Variants in LRP1B observed in about 807,000 individuals in gnomAD.
The protein encoded by LRP1B is LDL receptor related protein 1B, also known as low-density lipoprotein receptor-related protein 1B.
In LRP1B, 217 loss-of-function variants were observed where a neutral mutation model predicts 556.6. The ratio of observed to expected loss-of-function variants is 0.39; its 90% CI spans 0.35 to 0.44. The LOEUF (loss-of-function observed/expected upper bound fraction) is 0.44, where lower values mean the gene tolerates loss of function less well. Ranked by LOEUF, LRP1B falls within the 20% of genes least tolerant of loss-of-function variation. LRP1B has a pLI of 1.00. For missense variants in LRP1B, 5,053 were observed against 5,620.8 expected, an observed-to-expected ratio of 0.90 and a Z score of 3.23; for synonymous variants, 2,047 against 1,865.8, an observed-to-expected ratio of 1.10 and a Z score of -2.50.
chr2:140,951,310 G>T (rs889077370), intron 19 of LRP1B, among the ~76,000 whole-genome samples: 1 of 152,204 alleles, frequency 6.6e-6, no homozygotes, highest in Admixed American at 6.5e-5. Flanking sequence ...CAACCATTTC[G>T]GGAGGGAGGG....
At chr2:140,379,926 T>G (rs1683399512) in intron 67 of LRP1B, among the ~76,000 whole-genome samples, 1 of 152,122 alleles carries the variant, frequency 6.6e-6, no homozygotes, top group African/African-American at 2.4e-5. Flanking sequence ...CAATAGAAAT[T>G]TCCCTTTTTG....
intron 1 of LRP1B, among the ~76,000 whole-genome samples, chr2:141,890,323 C>CAT (rs556472129): frequency 0.066 from 5,515 of 83,574 alleles, 134 homozygotes; most frequent in Middle Eastern, 0.089. Context: ...GGGCACAATA[C>CAT]ATATATATAT....
chr2:141,038,504 A>G (rs549902566), intron 11 of LRP1B, among the ~76,000 whole-genome samples: 2 of 152,190 alleles, frequency 1.3e-5, no homozygotes, highest in South Asian at 4.1e-4. Context: ...TATGCCTTAG[A>G]TATGTCAGAG....
rs143320633 is a variant in LRP1B, at chr2:140,475,099, C to T, written c.9625+39G>A. ...ATATTTTTAAATAAATATTTTATGACCTGGTAAAATACTAGAATATTTATG... is the reference window on the plus strand; with the variant it reads ...ATATTTTTAAATAAATATTTTATGATCTGGTAAAATACTAGAATATTTATG... On this transcript the variant is annotated intron_variant, in intron 60 of 90. Transcript: ENST00000389484. 8.0e-6 allele frequency: 8 copies of T among 1,002,992 alleles called. No homozygotes were observed. In the Middle Eastern group the frequency reaches 8.8e-4, roughly 110 times the overall value. 62.1% of individuals were successfully genotyped at this position (1,002,992 alleles called of 1,614,324 possible).
intron 32 of LRP1B, among the ~76,000 whole-genome samples, chr2:140,782,490 A>G (rs1369242286): frequency 1.3e-5 from 2 of 152,112 alleles, no homozygotes; most frequent in African/African-American, 2.4e-5. Context: ...TGACCTTAGA[A>G]GAATCCTGCC....
At chr2:141,048,911 GAC>G (rs1427809900) in intron 11 of LRP1B, 73 bp downstream of exon 11, 2 of 1,140,976 alleles carry the variant, frequency 1.8e-6, no homozygotes, top group Non-Finnish European at 2.7e-6. Flanking sequence ...AAGCTAGTCT[GAC>G]ACACACTGGA....
chr2:141,723,064 A>G (rs1202977240), intron 2 of LRP1B, among the ~76,000 whole-genome samples: 3 of 150,960 alleles, frequency 2.0e-5, no homozygotes, highest in Admixed American at 6.6e-5. Context: ...GAGCTGTCAC[A>G]GTATTGGTCA....
chr2:141,534,002 TTCTC>T (rs368927539), intron 2 of LRP1B, among the ~76,000 whole-genome samples: 2 of 151,496 alleles, frequency 1.3e-5, no homozygotes, highest in East Asian at 1.9e-4. Flanking sequence ...TGGTTAATGA[TTCTC>T]TCTCTCTCTC....
intron 66 of LRP1B, among the ~76,000 whole-genome samples, chr2:140,424,332 T>C (rs971059879): frequency 6.6e-6 from 1 of 152,214 alleles, no homozygotes; most frequent in Admixed American, 6.5e-5. Context: ...TATTTTTATG[T>C]AAACCATGAT....
chr2:141,310,045 A>C (rs183226114), intron 3 of LRP1B, among the ~76,000 whole-genome samples: 221 of 152,262 alleles, frequency 1.5e-3, no homozygotes, highest in Non-Finnish European at 2.2e-3. Flanking sequence ...GACTAAGGCA[A>C]TTGGTAGAGA....
intron 84 of LRP1B, among the ~76,000 whole-genome samples, chr2:140,294,450 A>G (rs1278931872): frequency 6.6e-6 from 1 of 152,234 alleles, no homozygotes; most frequent in Admixed American, 6.5e-5. Flanking sequence ...AAAAGATCCC[A>G]GACAAGTAAG....
At chr2:140,803,533 C>T (rs7576037) in intron 32 of LRP1B, among the ~76,000 whole-genome samples, 67,715 of 151,686 alleles carry the variant, frequency 0.45, 16,728 homozygotes, top group East Asian at 0.66. Context: ...CTCCTGATCT[C>T]GTGATCCACT....
chr2:141,858,389 G>A (rs928569627), intron 1 of LRP1B, among the ~76,000 whole-genome samples: 10 of 151,860 alleles, frequency 6.6e-5, no homozygotes, highest in African/African-American at 2.4e-4. Context: ...TCTTTCATTC[G>A]CATCTTCAAT....
intron 11 of LRP1B, among the ~76,000 whole-genome samples, chr2:141,023,310 T>C (rs752528467): frequency 6.6e-6 from 1 of 151,988 alleles, no homozygotes; most frequent in Non-Finnish European, 1.5e-5. Context: ...AATAATGAAG[T>C]GCGTGGTTTA....
chr2:141,320,564 C>A (rs571522029), intron 3 of LRP1B, among the ~76,000 whole-genome samples: 5 of 152,170 alleles, frequency 3.3e-5, no homozygotes, highest in Admixed American at 2.0e-4. Context: ...GGAGCTAGTG[C>A]ATGCAATGAT....
chr2:141,173,596 G>T (rs908040393), intron 7 of LRP1B, among the ~76,000 whole-genome samples: 1 of 152,084 alleles, frequency 6.6e-6, no homozygotes, highest in African/African-American at 2.4e-5. Context: ...AGTCTATATT[G>T]TGGGGCTAAG....
At chr2:141,755,303 C>G (rs1694275997) in intron 2 of LRP1B, among the ~76,000 whole-genome samples, 1 of 151,966 alleles carries the variant, frequency 6.6e-6, no homozygotes, top group East Asian at 1.9e-4. Context: ...ACAATAGGTT[C>G]TTATAAACCA....
chr2:140,488,077 T>A (rs1396553579), intron 57 of LRP1B, among the ~76,000 whole-genome samples: 1 of 151,992 alleles, frequency 6.6e-6, no homozygotes, highest in Admixed American at 6.6e-5. Flanking sequence ...TAGGTTAATA[T>A]GAAATATAAA....
chr2:140,714,202 T>C (rs1273734793), intron 37 of LRP1B, among the ~76,000 whole-genome samples: 1 of 152,170 alleles, frequency 6.6e-6, no homozygotes, highest in African/African-American at 2.4e-5. Flanking sequence ...TATGTACTTG[T>C]ATTTTGTCAA....
Sources: allele counts gnomAD v4.1 joint callset (sites outside exome capture counted in the v4.1 genomes callset), GRCh38; gene constraint gnomAD v4.1.1; transcripts MANE v1.5; gene names NCBI Gene and HGNC (gene_info 2026-07-23, HGNC 2026-07-21).